BICDL2: variants seen among roughly 807,000 people sequenced by gnomAD.
BICDL2 encodes the protein BICD family like cargo adaptor 2, also known as BICD family-like cargo adapter 2.
BICDL2 carries 62 observed loss-of-function variants against 56.6 expected under a neutral mutation model. That is an observed-to-expected ratio of 1.10 (90% confidence interval 0.89 to 1.35). The LOEUF is 1.35. Ranked by LOEUF, BICDL2 falls within the 40% of genes most tolerant of loss-of-function variation. The pLI, the probability that BICDL2 is intolerant of heterozygous loss-of-function variation, is 0.00. For missense variants in BICDL2, 808 were observed against 684.5 expected (o/e 1.18, Z -2.01); for synonymous variants, 358 against 319.8 (o/e 1.12, Z -1.27).
chr16:3,035,120 T>C, intron 2 of BICDL2, 95 bp downstream of exon 2: 2 of 1,240,726 alleles, frequency 1.6e-6, no homozygotes, highest in South Asian at 2.9e-5. Context: ...AGCTCCTCTC[T>C]CCTTCCCTTG....
In BICDL2 at chr16:3,029,651, C is replaced by G. The variant is rs1047286380; in HGVS notation, c.851G>C (p.Arg284Pro). ...RRVSELEEES[R>P]LQDADVSAAS... is the part of the protein sequence containing the mutation. The stretch of plus-strand genomic sequence containing the variant: ...AGCCGACACGTCGGCGTCCTGGAGG[C>G]GTGACTCCTCCTCCAGCTCGGAGAC... The change falls in exon 6 of 10, where the codon CGC becomes CCC. Residue 284 changes from arginine to proline, a missense_variant. Coordinates refer to ENST00000572449, the MANE Select transcript of BICDL2 (RefSeq NM_001369667.1). 5 of 1,536,486 alleles carry G rather than the reference C, an allele frequency of 3.3e-6. No homozygotes were observed. In the African/African-American group the frequency reaches 5.5e-5, roughly 17 times the overall value.
chr16:3,028,141 C>A lies in BICDL2; in HGVS notation c.1492G>T (p.Gly498Cys), dbSNP rs762064406. Residue 498 changes from glycine to cysteine, a missense_variant, in exon 10 of 10, where the codon GGT becomes TGT. Transcript: ENST00000572449. Reference sequence around the variant, plus strand: ...CGGAAGAGGTTACTGAGAAAGCCACCGGCGGGCCCGGGGCCCAGGCGCAGC... The same window carrying A: ...CGGAAGAGGTTACTGAGAAAGCCACAGGCGGGCCCGGGGCCCAGGCGCAGC... ...FSLRLGPGPA[G>C]GFLSNLFRRT 6.9e-7 allele frequency: 1 copy of A among 1,440,140 alleles called. No homozygotes were observed. Among genetic ancestry groups the A allele is most frequent in the Admixed American group, 3.4e-5 (1 of 29,566 alleles). 89.2% of individuals were successfully genotyped at this position (1,440,140 alleles called of 1,614,324 possible).
At position 3,028,200 on chromosome 16, in the gene BICDL2, G is replaced by A. The variant is rs774955463; in HGVS notation, c.1433C>T (p.Ser478Leu). ...RQKELSASAS[S>L]STPRRAAPRF... is the part of the protein sequence containing the mutation. ...GGGCGCGGCACGGCGCGGGGTCGAC[G>A]ACGACGCGGAGGCGCTCAGCTCCTT... Residue 478 changes from serine (S) to leucine (L), a missense_variant, in exon 10 of 10, where the codon TCG (serine) becomes TTG (leucine). Physicochemically the swap from Ser to Leu is moderately radical, Grantham distance 145 (BLOSUM62 -2). Transcript: ENST00000572449. 1.0e-5 allele frequency: 15 copies of A among 1,465,630 alleles called. No homozygotes were observed. In the South Asian group the frequency reaches 1.6e-4, roughly 16 times the overall value. The allele number at this position is 1,465,630 out of a possible 1,614,324, so 90.8% of individuals were successfully genotyped here. A position where few individuals can be genotyped will look rare whatever the true frequency, so the allele number is the denominator to read the frequency against.
In BICDL2 at chr16:3,028,796, C is replaced by G; in HGVS notation, c.1142G>C (p.Arg381Pro). The change falls in exon 8 of 10, where the codon CGG (arginine) becomes CCG (proline). Residue 381 changes from arginine to proline, a missense_variant. Physicochemically the swap from Arg to Pro is moderately radical, Grantham distance 103 (BLOSUM62 -2). Transcript: ENST00000572449. ...CTCCTTCTGCCTCTGCAGCTCTTCC[C>G]GCAGGGACTGCAGCTCTGCCTGCTG... ...SLQQAELQSL[R>P]EELQRQKELR... The G allele has an allele frequency of 6.4e-7, 1 of 1,555,928 alleles. No homozygotes were observed. Among genetic ancestry groups the G allele is most frequent in the East Asian group, 2.4e-5 (1 of 41,438 alleles).
rs760980874 is a variant in BICDL2, at chr16:3,029,349, C to T, written c.1038G>A (p.Lys346=). ...TCTCCGCTGGACTGAGGGATGTTCG[C>T]TTCTTGGGGGGCTCTAAGATCTCTT... ...PPEEILEPPK[K]RTSLSPAEIL... Residue 346 remains lysine, a synonymous_variant, in exon 7 of 10, where the codon AAG becomes AAA. Coordinates refer to ENST00000572449, the MANE Select transcript of BICDL2 (RefSeq NM_001369667.1). 1 of 1,610,710 alleles carries T rather than the reference C, an allele frequency of 6.2e-7. No homozygotes were observed. The highest frequency in any genetic ancestry group is 8.5e-7 in the Non-Finnish European group (1 of 1,179,442).
intron 8 of BICDL2, 80 bp from the exon 9 acceptor site, chr16:3,028,548 G>C (rs1955594005): frequency 2.0e-6 from 3 of 1,534,644 alleles, no homozygotes; most frequent in East Asian, 2.4e-5. Context: ...TTCTGTACCC[G>C]GGCGGGAGGA....
intron 7 of BICDL2, 37 bp from the exon 8 acceptor site, chr16:3,028,867 C>T: frequency 1.3e-6 from 2 of 1,518,508 alleles, no homozygotes; most frequent in Non-Finnish European, 1.8e-6. Flanking sequence ...GGCAGATGGG[C>T]CAATGGGCCT....
In BICDL2 at chr16:3,035,199, T is replaced by G. The variant is rs751533719; in HGVS notation, c.282+16A>C. 1 of 56,600 alleles carries G rather than the reference T, an allele frequency of 1.8e-5. No individual in the cohort carries two copies. Among genetic ancestry groups the G allele is most frequent in the Admixed American group, 6.5e-4 (1 of 1,546 alleles). 3.5% of individuals were successfully genotyped at this position (56,600 alleles called of 1,614,324 possible). ...CCTGCCCACCCACCCACCCACCCCG[T>G]CCAGTGCTAGCTCACTTCCTCACGC... On this transcript the variant is annotated intron_variant, in intron 2 of 9. Transcript: ENST00000572449.
At chr16:3,029,158 G>T (rs1159228568) in intron 7 of BICDL2, 122 bp downstream of exon 7, 4 of 1,285,840 alleles carry the variant, frequency 3.1e-6, no homozygotes, top group Non-Finnish European at 3.2e-6. Flanking sequence ...AAGTAAGTTT[G>T]TTGAGATGAA....
chr16:3,028,026 A>G lies in BICDL2; in HGVS notation c.*80T>C, dbSNP rs757848415. On this transcript the variant is annotated 3_prime_UTR_variant, in exon 10 of 10. Transcript: ENST00000572449. ...GGGCATCAGCTTCTTTTGGAAGACA[A>G]TCTGGGCCCTGTCGCTCCATTGGCC... 18 of 1,382,238 alleles carry G rather than the reference A, an allele frequency of 1.3e-5. No homozygotes were observed. The highest frequency in any genetic ancestry group is 1.9e-4 in the Middle Eastern group (1 of 5,178). 85.6% of individuals were successfully genotyped at this position (1,382,238 alleles called of 1,614,324 possible). A position where few individuals can be genotyped will look rare whatever the true frequency, so the allele number is the denominator to read the frequency against.
At chr16:3,036,615 C>A (rs1474756413) in intron 1 of BICDL2, 11 of 450,006 alleles carry the variant, frequency 2.4e-5, no homozygotes, top group Middle Eastern at 3.6e-4. Flanking sequence ...CGCTCCCCCG[C>A]CCCCCTCCAC....
At chr16:3,035,555 C>G in intron 1 of BICDL2, 29 bp from the exon 2 acceptor site, 1 of 1,534,888 alleles carries the variant, frequency 6.5e-7, no homozygotes, top group Non-Finnish European at 8.8e-7. Context: ...TGCAGCCTGA[C>G]AGGGGCTCAC....
intron 7 of BICDL2, 87 bp from the exon 8 acceptor site, chr16:3,028,917 C>T: frequency 6.9e-7 from 1 of 1,459,546 alleles, no homozygotes. Context: ...GCTCTCCCCA[C>T]CCCTCCTCTG....
chr16:3,028,295 T>C (rs1955582501), intron 9 of BICDL2, 22 bp from the exon 10 acceptor site: 3 of 1,525,822 alleles, frequency 2.0e-6, no homozygotes, highest in Non-Finnish European at 2.6e-6. Context: ...CGTGGTCGGC[T>C]CAGCGCCGGT....
chr16:3,032,918 G>C (rs1316702347), intron 2 of BICDL2: 1 of 152,244 alleles, frequency 6.6e-6, no homozygotes, highest in Non-Finnish European at 1.5e-5. Flanking sequence ...CTAAGTGTGA[G>C]GGGGAGATTC....
At chr16:3,031,360 G>C (rs1260515165) in intron 2 of BICDL2, 1 of 586,128 alleles carries the variant, frequency 1.7e-6, no homozygotes, top group East Asian at 2.8e-5. Flanking sequence ...GACAGGACGC[G>C]TGGGCCCGGG....
chr16:3,028,355 G>C lies in BICDL2; in HGVS notation c.1352C>G (p.Ala451Gly). The C allele has an allele frequency of 6.4e-7, 1 of 1,550,564 alleles. No individual in the cohort carries two copies. Among genetic ancestry groups the C allele is most frequent in the South Asian group, 1.2e-5 (1 of 85,572 alleles). ...QKVALTQELEAWQDDMQVVIG... is the reference protein window; with the variant it reads ...QKVALTQELEGWQDDMQVVIG... ...ACGGGCCCCGCCCCTCACCTGCCAGGCCTCCAGCTCCTGCGTGAGCGCCAC... is the reference window on the plus strand; with the variant it reads ...ACGGGCCCCGCCCCTCACCTGCCAGCCCTCCAGCTCCTGCGTGAGCGCCAC... Residue 451 changes from alanine (A) to glycine (G), a missense_variant, in exon 9 of 10, where the codon GCC becomes GGC. By Grantham distance (60) the Ala-to-Gly change is moderately conservative (BLOSUM62 0). Coordinates refer to ENST00000572449, the MANE Select transcript of BICDL2 (RefSeq NM_001369667.1).
In BICDL2 at chr16:3,035,482, A is replaced by C. The variant is rs111785775; in HGVS notation, c.15T>G (p.Asp5Glu). The change falls in exon 2 of 10, where the codon GAT (aspartate) becomes GAG (glutamate). Residue 5 changes from aspartate (D) to glutamate (E), a missense_variant. By Grantham distance (45) the Asp-to-Glu change is conservative. Coordinates refer to ENST00000572449, the MANE Select transcript of BICDL2 (RefSeq NM_001369667.1). MSSP[D>E]GPSFPSGPLS... Reference sequence around the variant, plus strand: ...GCGGCCCGGACGGGAAGCTGGGCCCATCTGGAGAGCTCATGTCACCTGCAG... The same window carrying C: ...GCGGCCCGGACGGGAAGCTGGGCCCCTCTGGAGAGCTCATGTCACCTGCAG... 2.4e-5 allele frequency: 39 copies of C among 1,609,910 alleles called. No homozygotes were observed. Among genetic ancestry groups the C allele is most frequent in the Non-Finnish European group, 3.2e-5 (38 of 1,179,304 alleles).
rs1460668406 is a variant in BICDL2 at position 3,028,549 on chromosome 16, G to A, written c.1239-81C>T. 2.4e-5 allele frequency: 37 copies of A among 1,534,076 alleles called. No individual in the cohort carries two copies. In the East Asian group the frequency reaches 8.3e-4, roughly 35 times the overall value. On this transcript the variant is annotated intron_variant, in intron 8 of 9. Coordinates refer to ENST00000572449, the MANE Select transcript of BICDL2 (RefSeq NM_001369667.1). The stretch of plus-strand genomic sequence containing the variant: ...GGGTGGCGGGGGACTTCTGTACCCG[G>A]GCGGGAGGAGGGCTGCAAACACCTA...
Sources: allele counts gnomAD v4.1 joint callset, GRCh38; gene constraint gnomAD v4.1.1; transcripts MANE v1.5; gene names NCBI Gene and HGNC (gene_info 2026-07-23, HGNC 2026-07-21).